Variants in NIBAN1 observed in about 807,000 individuals in gnomAD.
NIBAN1 encodes the protein niban apoptosis regulator 1.
Under a neutral mutation model 75.1 loss-of-function variants are expected in NIBAN1, and 81 were observed. The ratio of observed to expected loss-of-function variants is 1.08; its 90% CI spans 0.90 to 1.30. The LOEUF (loss-of-function observed/expected upper bound fraction) is 1.30, where lower values mean the gene tolerates loss of function less well. Ranked by LOEUF, NIBAN1 falls within the 50% of genes most tolerant of loss-of-function variation. The pLI is 0.00. For missense variants in NIBAN1, 1,133 were observed against 1,128.1 expected (o/e 1.00, Z -0.06); for synonymous variants, 436 against 424.8 (o/e 1.03, Z -0.32).
At chr1:184,881,742 C>T (rs1003538031) in intron 5 of NIBAN1, among the ~76,000 whole-genome samples, 4 of 152,238 alleles carry the variant, frequency 2.6e-5, no homozygotes, top group Admixed American at 1.3e-4. Flanking sequence ...AACTTCCTGA[C>T]GTTGCCATGG....
At chr1:184,911,486 C>A (rs76747965) in intron 1 of NIBAN1, among the ~76,000 whole-genome samples, 2 of 151,944 alleles carry the variant, frequency 1.3e-5, no homozygotes, top group African/African-American at 2.4e-5. Context: ...TATATGAGTA[C>A]CCCCTCCCTT....
intron 1 of NIBAN1, among the ~76,000 whole-genome samples, chr1:184,906,214 C>T (rs1262598040): frequency 1.3e-5 from 2 of 152,104 alleles, no homozygotes; most frequent in South Asian, 4.1e-4. Flanking sequence ...GCTGTGATCA[C>T]ACCACTGCAC....
rs764346728 is a variant in NIBAN1 at position 184,794,940 on chromosome 1, CT to C, written c.*36del. The C allele has an allele frequency of 5.0e-6, 8 of 1,602,522 alleles. No individual in the cohort carries two copies. The highest frequency in any genetic ancestry group is 5.9e-6 in the Non-Finnish European group (7 of 1,179,944). Reference sequence around the variant, plus strand: ...TAAGTGTACCCCTATAACCCTTTGGCTTTTTTCAGAGAAAGACTTCAGCCAA... The same window carrying C: ...TAAGTGTACCCCTATAACCCTTTGGCTTTTTCAGAGAAAGACTTCAGCCAA... On this transcript the variant is annotated 3_prime_UTR_variant, in exon 14 of 14. Transcript: ENST00000367511.
chr1:184,893,546 G>T (rs1656725216), intron 3 of NIBAN1, among the ~76,000 whole-genome samples: 1 of 152,122 alleles, frequency 6.6e-6, no homozygotes, highest in South Asian at 2.1e-4. Flanking sequence ...AATAAAGTAT[G>T]TGAGGCATTC....
intron 1 of NIBAN1, among the ~76,000 whole-genome samples, chr1:184,965,122 A>T (rs1658746838): frequency 6.6e-6 from 1 of 151,974 alleles, no homozygotes; most frequent in African/African-American, 2.4e-5. Flanking sequence ...ACACGGTGAA[A>T]CCCCGTCTCT....
At chr1:184,797,487 C>T (rs113851571) in intron 13 of NIBAN1, among the ~76,000 whole-genome samples, 75 of 152,166 alleles carry the variant, frequency 4.9e-4, no homozygotes, top group Middle Eastern at 3.4e-3. Flanking sequence ...ACAATCCAAT[C>T]CCAGGCAAGG....
At chr1:184,874,553 C>A (rs1557896049) in intron 5 of NIBAN1, among the ~76,000 whole-genome samples, 1 of 151,822 alleles carries the variant, frequency 6.6e-6, no homozygotes, top group Non-Finnish European at 1.5e-5. Flanking sequence ...AAGCATGAAT[C>A]TATCTAGTAA....
intron 1 of NIBAN1, among the ~76,000 whole-genome samples, chr1:184,942,989 G>A (rs1386958006): frequency 2.0e-5 from 3 of 152,214 alleles, no homozygotes; most frequent in African/African-American, 7.2e-5. Context: ...CGGAATGAGA[G>A]CTTAGCATTT....
intron 1 of NIBAN1, among the ~76,000 whole-genome samples, chr1:184,960,399 A>T (rs1658598858): frequency 6.6e-6 from 1 of 152,158 alleles, no homozygotes; most frequent in African/African-American, 2.4e-5. Flanking sequence ...CAAATGAAAT[A>T]CTTCTCTTAT....
intron 9 of NIBAN1, among the ~76,000 whole-genome samples, chr1:184,811,739 G>T (rs544239535): frequency 6.6e-6 from 1 of 151,964 alleles, no homozygotes; most frequent in Non-Finnish European, 1.5e-5. Flanking sequence ...CGATCCGCCC[G>T]CCTCGGCCTC....
At chr1:184,907,312 A>G (rs1410407978) in intron 1 of NIBAN1, among the ~76,000 whole-genome samples, 1 of 152,224 alleles carries the variant, frequency 6.6e-6, no homozygotes, top group Non-Finnish European at 1.5e-5. Flanking sequence ...GTTTATTTTA[A>G]CCAGGTGGTT....
intron 5 of NIBAN1, among the ~76,000 whole-genome samples, chr1:184,876,675 A>C (rs1218535609): frequency 6.6e-6 from 1 of 151,918 alleles, no homozygotes; most frequent in Non-Finnish European, 1.5e-5. Flanking sequence ...CACTCCAGCC[A>C]AGACTCCATC....
At chr1:184,867,803 G>A (rs562757308) in intron 5 of NIBAN1, 1 of 950,268 alleles carries the variant, frequency 1.1e-6, no homozygotes, top group South Asian at 4.9e-5. Context: ...CAATGACTGT[G>A]TTTTCGGTTT....
intron 12 of NIBAN1, among the ~76,000 whole-genome samples, chr1:184,798,510 G>A (rs1446393645): frequency 6.6e-6 from 1 of 152,172 alleles, no homozygotes; most frequent in African/African-American, 2.4e-5. Flanking sequence ...CATGGGAGAA[G>A]ACAGCAGTGA....
chr1:184,933,807 C>T lies in NIBAN1; in HGVS notation c.56-34498G>A, dbSNP rs144981987. ...ACAGTCTAACATAAGTTTCAACACT[C>T]GCTATAGAAATGCCTGGTTTATAGC... On this transcript the variant is annotated intron_variant, in intron 1 of 13. Coordinates refer to ENST00000367511, the MANE Select transcript of NIBAN1 (RefSeq NM_052966.4). Among the ~76,000 whole-genome samples, 480 of 152,324 alleles carry T rather than the reference C, an allele frequency of 3.2e-3. 2 individuals carry two copies. Among genetic ancestry groups the T allele is most frequent in the Non-Finnish European group, 5.1e-3 (350 of 68,038 alleles).
intron 5 of NIBAN1, among the ~76,000 whole-genome samples, chr1:184,880,893 G>A (rs1047946901): frequency 1.3e-5 from 2 of 152,238 alleles, no homozygotes; most frequent in Admixed American, 1.3e-4. Context: ...CAGAGACAAG[G>A]GATTACAGTG....
chr1:184,843,024 C>T lies in NIBAN1; in HGVS notation c.602-11062G>A, dbSNP rs562316421. Among the ~76,000 whole-genome samples, 10 of 152,328 alleles carry T rather than the reference C, an allele frequency of 6.6e-5. No individual in the cohort carries two copies. In the East Asian group the frequency reaches 9.6e-4, roughly 15 times the overall value. ...TACAAAAGGTCTACTCTGTCAACTG[C>T]TCACCCACTTAACACAAATGAACCC... On this transcript the variant is annotated intron_variant, in intron 5 of 13. Coordinates refer to ENST00000367511, the MANE Select transcript of NIBAN1 (RefSeq NM_052966.4).
intron 1 of NIBAN1, among the ~76,000 whole-genome samples, chr1:184,958,723 A>G (rs938135085): frequency 2.0e-5 from 3 of 152,318 alleles, no homozygotes; most frequent in Admixed American, 1.3e-4. Context: ...TTAGGAACTG[A>G]TATCTCACTT....
intron 5 of NIBAN1, among the ~76,000 whole-genome samples, chr1:184,840,048 A>G (rs1655242384): frequency 6.6e-6 from 1 of 152,242 alleles, no homozygotes; most frequent in South Asian, 2.1e-4. Flanking sequence ...ATAGGGTGTG[A>G]TATGGCATTA....
Sources: gnomAD v4.1 joint callset for allele counts (sites outside exome capture counted in the v4.1 genomes callset) on GRCh38, gnomAD v4.1.1 for gene constraint, MANE v1.5 for transcripts, NCBI Gene and HGNC (gene_info 2026-07-23, HGNC 2026-07-21) for gene names.